Variants in CSMD3 observed in about 807,000 individuals in gnomAD.
CSMD3 encodes CUB and Sushi multiple domains 3, also known as CUB and sushi domain-containing protein 3.
In CSMD3, 177 loss-of-function variants were observed where a neutral mutation model predicts 435.2. The observed-to-expected ratio is 0.41, with a 90% confidence interval of 0.36 to 0.46. The LOEUF is 0.46. Among genes scored for constraint, CSMD3 ranks in the 20% least tolerant of loss-of-function variants. The probability of loss-of-function intolerance (pLI) is 0.34; values close to 1 mark genes in which losing one functional copy is unlikely to be tolerated. For missense variants in CSMD3, 4,265 were observed against 4,504.6 expected (o/e 0.95, Z 1.52); for synonymous variants, 1,656 against 1,520.5 (o/e 1.09, Z -2.07).
chr8:112,715,357 T>A (rs542340320), intron 13 of CSMD3, among the ~76,000 whole-genome samples: 15 of 152,102 alleles, frequency 9.9e-5, no homozygotes, highest in African/African-American at 3.4e-4. Context: ...TCATGCACCC[T>A]CCAAAAACTA....
intron 11 of CSMD3, among the ~76,000 whole-genome samples, chr8:112,830,629 A>T (rs1216509801): frequency 6.6e-6 from 1 of 152,060 alleles, no homozygotes; most frequent in Admixed American, 6.6e-5. Context: ...ATTATTCATC[A>T]CCTGATAAAA....
intron 13 of CSMD3, among the ~76,000 whole-genome samples, chr8:112,706,403 G>GA (rs905524227): frequency 1.3e-5 from 2 of 151,690 alleles, no homozygotes; most frequent in Non-Finnish European, 2.9e-5. Context: ...GGAATATGGA[G>GA]AAAAAAAATA....
chr8:113,054,257 C>T (rs1394002341), intron 5 of CSMD3, among the ~76,000 whole-genome samples: 1 of 152,096 alleles, frequency 6.6e-6, no homozygotes, highest in Admixed American at 6.5e-5. Flanking sequence ...TTGTTGTCTA[C>T]TCCATACCTA....
intron 1 of CSMD3, among the ~76,000 whole-genome samples, chr8:113,345,701 C>A (rs182506506): frequency 6.6e-6 from 1 of 152,002 alleles, no homozygotes; most frequent in South Asian, 2.1e-4. Context: ...TTTTTAAAAA[C>A]ATTTTACATG....
At chr8:112,545,171 T>C (rs1397955307) in intron 27 of CSMD3, among the ~76,000 whole-genome samples, 1 of 152,074 alleles carries the variant, frequency 6.6e-6, no homozygotes, top group Non-Finnish European at 1.5e-5. Flanking sequence ...ACAAAATATC[T>C]GTCAGGGCAA....
chr8:112,895,477 A>G (rs934598905), intron 10 of CSMD3, among the ~76,000 whole-genome samples: 2 of 151,372 alleles, frequency 1.3e-5, no homozygotes, highest in Non-Finnish European at 3.0e-5. Context: ...AAGAAAAATG[A>G]TCACATGTGC....
chr8:112,612,183 A>G (rs1833307734), intron 22 of CSMD3, among the ~76,000 whole-genome samples: 2 of 152,192 alleles, frequency 1.3e-5, no homozygotes, highest in Admixed American at 1.3e-4. Flanking sequence ...TTTTCCTGAG[A>G]AAAAAATCTC....
At chr8:112,787,012 C>T (rs2078560681) in intron 13 of CSMD3, among the ~76,000 whole-genome samples, 1 of 151,998 alleles carries the variant, frequency 6.6e-6, no homozygotes, top group African/African-American at 2.4e-5. Flanking sequence ...TGTTAGTTGG[C>T]TGAGAATAAT....
chr8:113,421,795 AC>A (rs1282842423), intron 1 of CSMD3, among the ~76,000 whole-genome samples: 1 of 152,178 alleles, frequency 6.6e-6, no homozygotes, highest in African/African-American at 2.4e-5. Context: ...CTGATGTAAT[AC>A]CCAGGAAACA....
At chr8:113,232,169 A>G (rs2093096428) in intron 3 of CSMD3, among the ~76,000 whole-genome samples, 1 of 151,582 alleles carries the variant, frequency 6.6e-6, no homozygotes, top group Non-Finnish European at 1.5e-5. Context: ...TTTTCTCAGT[A>G]TTGGCTATTT....
chr8:113,376,595 A>T (rs2094384733), intron 1 of CSMD3: 18 of 824,902 alleles, frequency 2.2e-5, no homozygotes, highest in Non-Finnish European at 3.3e-5. Flanking sequence ...TTGATATCCA[A>T]TTTTTTTTAA....
chr8:112,520,262 T>TA (rs1164834440), intron 27 of CSMD3, among the ~76,000 whole-genome samples: 1 of 152,096 alleles, frequency 6.6e-6, no homozygotes, highest in Non-Finnish European at 1.5e-5. Context: ...AGCACTTGAC[T>TA]AGCAGCTCAG....
intron 4 of CSMD3, among the ~76,000 whole-genome samples, chr8:113,124,581 G>C (rs199819263): frequency 7.3e-5 from 11 of 151,702 alleles, no homozygotes; most frequent in East Asian, 5.8e-4. Context: ...CTCCATAAAG[G>C]CTATTTTATT....
chr8:113,340,890 A>G (rs147022314), intron 1 of CSMD3, among the ~76,000 whole-genome samples: 171 of 150,336 alleles, frequency 1.1e-3, no homozygotes, highest in African/African-American at 3.9e-3. Flanking sequence ...AAAGGGAAAT[A>G]TTTGTCTACT....
At chr8:112,236,910 A>G (rs1399936935) in intron 67 of CSMD3, among the ~76,000 whole-genome samples, 1 of 152,134 alleles carries the variant, frequency 6.6e-6, no homozygotes, top group East Asian at 1.9e-4. Context: ...TTGTATTCAT[A>G]CCTAAATTAA....
At chr8:112,322,877 T>A (rs1013261823) in intron 45 of CSMD3, among the ~76,000 whole-genome samples, 1 of 152,034 alleles carries the variant, frequency 6.6e-6, no homozygotes, top group Non-Finnish European at 1.5e-5. Context: ...TTTTTCACTA[T>A]CCAGGAATTA....
chr8:112,354,914 G>A (rs1001950991), intron 38 of CSMD3, among the ~76,000 whole-genome samples: 1 of 152,000 alleles, frequency 6.6e-6, no homozygotes, highest in Non-Finnish European at 1.5e-5. Context: ...ACCAAAAAAA[G>A]AACAAAGCTA....
At chr8:112,467,977 G>T (rs908324704) in intron 32 of CSMD3, among the ~76,000 whole-genome samples, 1 of 152,136 alleles carries the variant, frequency 6.6e-6, no homozygotes, top group African/African-American at 2.4e-5. Context: ...GTGATACTTT[G>T]TTATAGTAGC....
chr8:112,779,707 G>T (rs907056798), intron 13 of CSMD3, among the ~76,000 whole-genome samples: 11 of 152,020 alleles, frequency 7.2e-5, no homozygotes, highest in African/African-American at 2.4e-5. Flanking sequence ...CATGTAGTCA[G>T]ATCAGCCCTA....
Sources: allele counts gnomAD v4.1 joint callset (sites outside exome capture counted in the v4.1 genomes callset), GRCh38; gene constraint gnomAD v4.1.1; transcripts MANE v1.5; gene names NCBI Gene and HGNC (gene_info 2026-07-23, HGNC 2026-07-21).